ARNT: variants seen among roughly 807,000 people sequenced by gnomAD.
ARNT encodes aryl hydrocarbon receptor nuclear translocator, also known as class E basic helix-loop-helix protein 2.
A neutral mutation model predicts 105.0 loss-of-function variants in ARNT; 30 were observed. That is an observed-to-expected ratio of 0.29 (90% CI 0.21 to 0.39). ARNT has a LOEUF of 0.39. Ranked by LOEUF, ARNT falls within the 10% of genes least tolerant of loss-of-function variation. The pLI is 1.00. For synonymous variants in ARNT, 304 were observed against 344.0 expected (o/e 0.88, Z 1.29); for missense variants, 748 against 978.7 (o/e 0.76, Z 3.15).
Position 150,810,035 on chromosome 1 carries a change from T to C in ARNT, c.*1986A>G, listed in dbSNP as rs761017086. On this transcript the variant is annotated 3_prime_UTR_variant, in exon 22 of 22. Coordinates refer to ENST00000358595, the MANE Select transcript of ARNT (RefSeq NM_001668.4). Reference sequence around the variant, plus strand: ...AGATTCCTCTGGTTGTGGGTGCCTGTTGTTTATGAACTGGAAAGGAATGAT... The same window carrying C: ...AGATTCCTCTGGTTGTGGGTGCCTGCTGTTTATGAACTGGAAAGGAATGAT... 5.2e-5 allele frequency: 12 copies of C among 228,946 alleles called. No homozygotes were observed. Among genetic ancestry groups the C allele is most frequent in the Non-Finnish European group, 8.7e-5 (10 of 115,032 alleles). 14.2% of individuals were successfully genotyped at this position (228,946 alleles called of 1,614,324 possible).
chr1:150,821,977 G>A (rs1372993203), intron 14 of ARNT, among the ~76,000 whole-genome samples: 1 of 151,684 alleles, frequency 6.6e-6, no homozygotes, highest in Non-Finnish European at 1.5e-5. Context: ...ACAGGTGTGA[G>A]CCACTGCACC....
intron 1 of ARNT, among the ~76,000 whole-genome samples, chr1:150,863,658 G>A (rs964407581): frequency 2.6e-5 from 4 of 151,758 alleles, no homozygotes; most frequent in Non-Finnish European, 2.9e-5. Context: ...GTGAAACCCC[G>A]TCTCTACTAA....
chr1:150,827,592 A>G (rs1658528625), intron 12 of ARNT, among the ~76,000 whole-genome samples: 1 of 152,226 alleles, frequency 6.6e-6, no homozygotes, highest in Non-Finnish European at 1.5e-5. Flanking sequence ...GGACGTTTAA[A>G]TAGTTTTCAT....
In ARNT at chr1:150,814,140, C is replaced by A. The variant is rs746406064; in HGVS notation, c.2050G>T (p.Ala684Ser). ...SSFSSMSLPG[A>S]PTASPGAAAY... is the part of the protein sequence containing the mutation. Reference sequence around the variant, plus strand: ...GCAGCACCAGGCGATGCAGTTGGGGCACCAGGGAGGGACATGGAGCTGAAG... The same window carrying A: ...GCAGCACCAGGCGATGCAGTTGGGGAACCAGGGAGGGACATGGAGCTGAAG... The change falls in exon 20 of 22, where the codon GCC becomes TCC. Residue 684 changes from alanine to serine, a missense_variant. Physicochemically the swap from Ala to Ser is moderately conservative, Grantham distance 99. This residue lies in a region of ARNT where 360 missense variants were observed against 411.9 expected (regional missense o/e 0.87). Transcript: ENST00000358595. The A allele has an allele frequency of 6.2e-7, 1 of 1,614,030 alleles. No homozygotes were observed. The highest frequency in any genetic ancestry group is 8.5e-7 in the Non-Finnish European group (1 of 1,180,048).
In ARNT at chr1:150,812,084, C is replaced by T; in HGVS notation, c.2307G>A (p.Gln769=). Residue 769 remains glutamine (Q), a synonymous_variant, in exon 22 of 22, where the codon CAG becomes CAA. Coordinates refer to ENST00000358595, the MANE Select transcript of ARNT (RefSeq NM_001668.4). ...FQEMLSMLGD[Q]SNSYNNEEFP... is the part of the protein sequence containing the mutation. ...ATTCTTCATTGTTGTAGCTGTTGCT[C>T]TGATCTCCCAGCATGGACAGCATCT... The T allele has an allele frequency of 6.4e-7, 1 of 1,574,296 alleles. No homozygotes were observed.
At chr1:150,866,995 C>T (rs10305665) in intron 1 of ARNT, among the ~76,000 whole-genome samples, 2,015 of 152,176 alleles carry the variant, frequency 0.013, 19 homozygotes, top group Non-Finnish European at 0.021. Context: ...CACTTGAGGA[C>T]GGGAGTTCAA....
intron 1 of ARNT, among the ~76,000 whole-genome samples, chr1:150,875,368 C>T (rs894116084): frequency 3.9e-5 from 6 of 152,034 alleles, no homozygotes; most frequent in Admixed American, 3.3e-4. Context: ...TTCAACTGTC[C>T]TATCAAAATC....
intron 7 of ARNT, 44 bp from the exon 8 acceptor site, chr1:150,834,684 G>A (rs754124424): frequency 1.6e-4 from 253 of 1,542,580 alleles, no homozygotes; most frequent in Non-Finnish European, 2.2e-4. Context: ...ATTTTTGTGT[G>A]TGGGGAAGAG....
At chr1:150,826,520 A>T in intron 13 of ARNT, 23 bp downstream of exon 13, 1 of 1,591,938 alleles carries the variant, frequency 6.3e-7, no homozygotes, top group Non-Finnish European at 8.6e-7. Context: ...ATTTATTCAG[A>T]ACCAAACCAG....
At chr1:150,875,759 T>C (rs1668142491) in intron 1 of ARNT, among the ~76,000 whole-genome samples, 1 of 152,328 alleles carries the variant, frequency 6.6e-6, no homozygotes, top group Admixed American at 6.5e-5. Context: ...CTTTTTGATA[T>C]TTGATTATTT....
intron 2 of ARNT, among the ~76,000 whole-genome samples, chr1:150,857,599 GA>G (rs1008997760): frequency 1.3e-5 from 2 of 152,072 alleles, no homozygotes; most frequent in African/African-American, 4.8e-5. Flanking sequence ...GAAAAAGAAG[GA>G]AAAAGGAAAA....
chr1:150,830,113 C>G, intron 10 of ARNT, 133 bp from the exon 11 acceptor site: 3 of 925,394 alleles, frequency 3.2e-6, no homozygotes, highest in Non-Finnish European at 4.9e-6. Context: ...AATCCCAACA[C>G]TTTGGGAAGC....
chr1:150,831,328 C>T (rs1460155996), intron 10 of ARNT, among the ~76,000 whole-genome samples: 3 of 152,202 alleles, frequency 2.0e-5, no homozygotes, highest in Admixed American at 2.0e-4. Context: ...TCCTGCAACC[C>T]AATCACCTTT....
At chr1:150,851,583 T>C (rs1403882808) in intron 3 of ARNT, among the ~76,000 whole-genome samples, 5 of 152,254 alleles carry the variant, frequency 3.3e-5, no homozygotes, top group Admixed American at 3.3e-4. Flanking sequence ...CTCTGAAACA[T>C]GTGCTGTGTC....
intron 7 of ARNT, 122 bp from the exon 8 acceptor site, chr1:150,834,762 C>T: frequency 1.4e-6 from 1 of 716,634 alleles, no homozygotes; most frequent in Non-Finnish European, 2.3e-6. Flanking sequence ...TTGCTTATAA[C>T]AGAACTGACC....
Position 150,823,294 on chromosome 1 carries a change from T to C in ARNT, c.1294A>G (p.Lys432Glu). The change falls in exon 14 of 22, where the codon AAG (lysine) becomes GAG (glutamate). Residue 432 changes from lysine (K) to glutamate (E), a missense_variant. By Grantham distance (56) the Lys-to-Glu change is moderately conservative (BLOSUM62 1). Around this residue, in one of 4 missense-constraint regions of ARNT, gnomAD observed 291 missense variants for 444.6 expected, o/e 0.65. Coordinates refer to ENST00000358595, the MANE Select transcript of ARNT (RefSeq NM_001668.4). ...CTCATCCAGAGCCATTCTTGGTTCTTAGACCGGAACCGGAACATGACAGAC... is the reference window on the plus strand; with the variant it reads ...CTCATCCAGAGCCATTCTTGGTTCTCAGACCGGAACCGGAACATGACAGAC... ...VLSVMFRFRS[K>E]NQEWLWMRTS... The C allele has an allele frequency of 6.2e-7, 1 of 1,614,036 alleles. No individual in the cohort carries two copies. Among genetic ancestry groups the C allele is most frequent in the East Asian group, 2.2e-5 (1 of 44,878 alleles).
intron 5 of ARNT, 21 bp from the exon 6 acceptor site, chr1:150,839,675 G>A (rs1307661682): frequency 6.2e-7 from 1 of 1,603,160 alleles, no homozygotes; most frequent in African/African-American, 1.3e-5. Flanking sequence ...AGAAAGAGAA[G>A]CCCCATCCAG....
rs587643554 is a variant in ARNT at position 150,810,067 on chromosome 1, G to A, written c.*1954C>T. 15 of 229,062 alleles carry A rather than the reference G, an allele frequency of 6.5e-5. No individual in the cohort carries two copies. Among genetic ancestry groups the A allele is most frequent in the Non-Finnish European group, 8.7e-5 (10 of 115,128 alleles). 14.2% of individuals were successfully genotyped at this position (229,062 alleles called of 1,614,324 possible). A position where few individuals can be genotyped will look rare whatever the true frequency, so the allele number is the denominator to read the frequency against. ...TGAACTGGAAAGGAATGATAAAGCCGCAATCAAGATCACACAACACAAGAA... is the reference window on the plus strand; with the variant it reads ...TGAACTGGAAAGGAATGATAAAGCCACAATCAAGATCACACAACACAAGAA... On this transcript the variant is annotated 3_prime_UTR_variant, in exon 22 of 22. Transcript: ENST00000358595.
chr1:150,855,989 T>C (rs1664537082), intron 2 of ARNT, among the ~76,000 whole-genome samples: 1 of 152,184 alleles, frequency 6.6e-6, no homozygotes, highest in South Asian at 2.1e-4. Flanking sequence ...ATTATTTATA[T>C]AAGGTGAAAA....
Sources: gnomAD v4.1 joint callset for allele counts (sites outside exome capture counted in the v4.1 genomes callset) on GRCh38, gnomAD v4.1.1 for gene constraint, gnomAD v4.1.1 regional missense constraint, MANE v1.5 for transcripts, NCBI Gene and HGNC (gene_info 2026-07-23, HGNC 2026-07-21) for gene names.